Variants in XRN2 observed in about 807,000 individuals in gnomAD.
XRN2 encodes DHM1-like protein.
In XRN2, 44 loss-of-function variants were observed where a neutral mutation model predicts 138.5. That is an observed-to-expected ratio of 0.32 (90% CI 0.25 to 0.41). The LOEUF is 0.41. XRN2 is among the 10% of genes least tolerant of loss of function. XRN2 has a pLI of 1.00. For synonymous variants in XRN2, 354 were observed against 369.4 expected, an observed-to-expected ratio of 0.96 and a Z score of 0.48; for missense variants, 937 against 1,169.3, an observed-to-expected ratio of 0.80 and a Z score of 2.90.
chr20:21,381,923 A>G, intron 27 of XRN2, 71 bp from the exon 28 acceptor site: 1 of 1,274,150 alleles, frequency 7.8e-7, no homozygotes, highest in Non-Finnish European at 1.1e-6. Context: ...ACTTTTAATT[A>G]TAAAATATTG....
intron 20 of XRN2, among the ~76,000 whole-genome samples, chr20:21,350,106 C>T (rs749028340): frequency 6.6e-6 from 1 of 152,176 alleles, no homozygotes; most frequent in Non-Finnish European, 1.5e-5. Flanking sequence ...TTGATCATTA[C>T]TTTTCCTACT....
chr20:21,357,315 G>A (rs1188264977), intron 23 of XRN2, among the ~76,000 whole-genome samples: 1 of 152,200 alleles, frequency 6.6e-6, no homozygotes, highest in Non-Finnish European at 1.5e-5. Flanking sequence ...GCTGGCCATA[G>A]AGTATGTGTA....
At chr20:21,355,954 T>C (rs957861463) in intron 21 of XRN2, 126 bp from the exon 22 acceptor site, 1 of 562,548 alleles carries the variant, frequency 1.8e-6, no homozygotes, top group Admixed American at 3.6e-5. Context: ...TTTAAAATTA[T>C]TTTTCATAAA....
intron 24 of XRN2, among the ~76,000 whole-genome samples, chr20:21,361,772 C>T (rs1470252098): frequency 6.6e-6 from 1 of 152,176 alleles, no homozygotes; most frequent in Non-Finnish European, 1.5e-5. Context: ...CCTGCTTAGT[C>T]TGTGTGTTTG....
At chr20:21,341,744 A>C (rs1481294804) in intron 15 of XRN2, among the ~76,000 whole-genome samples, 1 of 152,208 alleles carries the variant, frequency 6.6e-6, no homozygotes, top group Non-Finnish European at 1.5e-5. Flanking sequence ...GCTCATATGG[A>C]ACAGAAATAG....
intron 27 of XRN2, among the ~76,000 whole-genome samples, 158 bp from the exon 28 acceptor site, chr20:21,381,835 AC>A: frequency 6.6e-6 from 1 of 152,202 alleles, no homozygotes; most frequent in East Asian, 1.9e-4. Context: ...TTAGTTACTT[AC>A]CTTTTTACAT....
At chr20:21,333,875 A>T in intron 11 of XRN2, 38 bp downstream of exon 11, 1 of 1,614,098 alleles carries the variant, frequency 6.2e-7, no homozygotes, top group Non-Finnish European at 8.5e-7. Context: ...CGACTGTTTT[A>T]GGCTTCTTGA....
At chr20:21,373,557 C>T (rs2038785720) in intron 27 of XRN2, among the ~76,000 whole-genome samples, 1 of 152,186 alleles carries the variant, frequency 6.6e-6, no homozygotes, top group Admixed American at 6.5e-5. Flanking sequence ...ACACATTTTC[C>T]AAATTACATT....
intron 8 of XRN2, 87 bp downstream of exon 8, chr20:21,331,905 T>G: frequency 2.1e-6 from 3 of 1,436,372 alleles, no homozygotes; most frequent in Non-Finnish European, 2.9e-6. Context: ...TATTCATGGT[T>G]ACCTGGAAGT....
At chr20:21,322,960 C>T (rs938889313) in intron 1 of XRN2, among the ~76,000 whole-genome samples, 2 of 152,210 alleles carry the variant, frequency 1.3e-5, no homozygotes, top group South Asian at 4.1e-4. Flanking sequence ...GCCTTTCTAA[C>T]CTAAGCCTTC....
At chr20:21,321,017 T>C (rs1319818292) in intron 1 of XRN2, among the ~76,000 whole-genome samples, 1 of 151,776 alleles carries the variant, frequency 6.6e-6, no homozygotes, top group Non-Finnish European at 1.5e-5. Flanking sequence ...ACTGTTTTGG[T>C]TTGTTTCTTT....
chr20:21,355,276 C>T (rs1307515017), intron 21 of XRN2, among the ~76,000 whole-genome samples: 1 of 152,074 alleles, frequency 6.6e-6, no homozygotes, highest in Non-Finnish European at 1.5e-5. Flanking sequence ...TAGGGTGAAA[C>T]AAAAGCATAT....
At chr20:21,385,143 T>C (rs1196227522) in intron 28 of XRN2, among the ~76,000 whole-genome samples, 1 of 152,196 alleles carries the variant, frequency 6.6e-6, no homozygotes, top group Non-Finnish European at 1.5e-5. Context: ...CATAAAATAG[T>C]TTTGAATTGC....
Position 21,330,671 on chromosome 20 carries a change from G to A in XRN2, c.542G>A (p.Arg181His), listed in dbSNP as rs752853648. Residue 181 changes from arginine to histidine, a missense_variant, in exon 6 of 30, where the codon CGT (arginine) becomes CAT (histidine). By Grantham distance (29) the Arg-to-His change is conservative (BLOSUM62 0). Transcript: ENST00000377191. Reference protein sequence around the residue: ...AKCLRYYIADRLNNDPGWKNL... With the variant: ...AKCLRYYIADHLNNDPGWKNL... Reference sequence around the variant, plus strand: ...TGCCTTCGCTATTACATAGCTGATCGTTTAAATAATGACCCTGGGTGGAAA... The same window carrying A: ...TGCCTTCGCTATTACATAGCTGATCATTTAAATAATGACCCTGGGTGGAAA... 18 of 1,612,852 alleles carry A rather than the reference G, an allele frequency of 1.1e-5. No individual in the cohort carries two copies. Among genetic ancestry groups the A allele is most frequent in the East Asian group, 6.7e-5 (3 of 44,826 alleles).
intron 4 of XRN2, among the ~76,000 whole-genome samples, chr20:21,329,881 G>A (rs1221448614): frequency 1.3e-5 from 2 of 151,640 alleles, no homozygotes; most frequent in African/African-American, 2.4e-5. Flanking sequence ...GTGTGTGTGT[G>A]TGTGTGTGTG....
intron 9 of XRN2, among the ~76,000 whole-genome samples, chr20:21,333,231 T>C (rs1343971374): frequency 1.3e-5 from 2 of 152,224 alleles, no homozygotes; most frequent in Non-Finnish European, 2.9e-5. Flanking sequence ...GCTATGTTTT[T>C]TACATTTTTA....
intron 27 of XRN2, 148 bp from the exon 28 acceptor site, chr20:21,381,846 T>G: frequency 3.6e-6 from 2 of 553,830 alleles, no homozygotes; most frequent in Non-Finnish European, 5.9e-6. Flanking sequence ...CCTTTTTACA[T>G]TTGTGGTGTG....
At position 21,338,497 on chromosome 20, in the gene XRN2, C is replaced by G. The variant is rs2038329510; in HGVS notation, c.1234-547C>G. Reference sequence around the variant, plus strand: ...TCGGATTGATATTTTTGGAATCTGGCCAGGGTGAGGGATAATGTTTGCGTA... The same window carrying G: ...TCGGATTGATATTTTTGGAATCTGGGCAGGGTGAGGGATAATGTTTGCGTA... On this transcript the variant is annotated intron_variant, in intron 13 of 29. Transcript: ENST00000377191. 1.3e-5 allele frequency among the ~76,000 whole-genome samples: 2 copies of G among 152,054 alleles called. 1 individual carries two copies.
At chr20:21,362,293 T>G (rs1347066624) in intron 24 of XRN2, among the ~76,000 whole-genome samples, 1 of 152,226 alleles carries the variant, frequency 6.6e-6, no homozygotes. Flanking sequence ...AAATCTCTTG[T>G]TATAACCATT....
Sources: allele counts gnomAD v4.1 joint callset (sites outside exome capture counted in the v4.1 genomes callset), GRCh38; gene constraint gnomAD v4.1.1; transcripts MANE v1.5; gene names NCBI Gene and HGNC (gene_info 2026-07-23, HGNC 2026-07-21).